Variants in RNASEH1 observed in about 807,000 individuals in gnomAD.
RNASEH1 encodes ribonuclease H type II.
Under a neutral mutation model 34.6 loss-of-function variants are expected in RNASEH1, and 27 were observed. The ratio of observed to expected loss-of-function variants is 0.78; its 90% CI spans 0.58 to 1.08. The LOEUF is 1.08. Ranked by LOEUF, RNASEH1 falls within the 50% of genes least tolerant of loss-of-function variation. RNASEH1 has a pLI of 0.00. For synonymous variants in RNASEH1, 162 were observed against 138.4 expected, an observed-to-expected ratio of 1.17 and a Z score of -1.20; for missense variants, 349 against 373.6, an observed-to-expected ratio of 0.93 and a Z score of 0.54.
chr2:3,533,048 T>A, the RNASEH1 span: 4 of 152,186 alleles, frequency 2.6e-5, no homozygotes, highest in Non-Finnish European at 4.4e-5. Flanking sequence ...CACCCGGGCC[T>A]TTTCTCCAAA....
chr2:3,549,151 G>A (rs1669045250), intron 4 of RNASEH1, 39 bp from the exon 5 acceptor site: 1 of 1,469,116 alleles, frequency 6.8e-7, no homozygotes, highest in African/African-American at 1.4e-5. Context: ...AAAGTATAAA[G>A]TGAATTCTCA....
At chr2:3,540,553 C>A (rs1668239238), downstream of RNASEH1, among the ~76,000 whole-genome samples, 1 of 152,210 alleles carries the variant, frequency 6.6e-6, no homozygotes. Flanking sequence ...GGATTACAGG[C>A]ACCTGCCACC....
chr2:3,533,647 A>G, the RNASEH1 span: 4 of 152,270 alleles, frequency 2.6e-5, no homozygotes, highest in African/African-American at 9.7e-5. Flanking sequence ...GGAAAACAGG[A>G]TGCCTGCTCC....
intron 2 of RNASEH1, among the ~76,000 whole-genome samples, chr2:3,552,724 G>A (rs534613443): frequency 1.6e-4 from 25 of 152,182 alleles, no homozygotes; most frequent in Admixed American, 4.6e-4. Flanking sequence ...GTTGCTGGGC[G>A]CAGTGGTGTG....
downstream of RNASEH1, among the ~76,000 whole-genome samples, chr2:3,538,901 T>C (rs559515823): frequency 6.6e-6 from 1 of 152,346 alleles, no homozygotes; most frequent in Non-Finnish European, 1.5e-5. Context: ...GCACTGTTGC[T>C]AATATCATAC....
intron 2 of RNASEH1, among the ~76,000 whole-genome samples, chr2:3,554,331 A>G (rs544769776): frequency 4.5e-4 from 69 of 152,348 alleles, no homozygotes; most frequent in African/African-American, 1.5e-3. Context: ...TTTACTTACT[A>G]TAACAGAGAT....
chr2:3,552,359 A>C, intron 2 of RNASEH1, 51 bp from the exon 3 acceptor site: 2 of 1,522,538 alleles, frequency 1.3e-6, no homozygotes, highest in Non-Finnish European at 1.8e-6. Flanking sequence ...CATAACACGA[A>C]ATGCTAGAGA....
downstream of RNASEH1, among the ~76,000 whole-genome samples, chr2:3,540,121 C>T (rs913773492): frequency 1.3e-5 from 2 of 152,142 alleles, no homozygotes. Context: ...GCGGCACGAA[C>T]ATCCTATTAA....
chr2:3,538,208 G>A (rs536286858), downstream of RNASEH1, among the ~76,000 whole-genome samples: 336 of 150,820 alleles, frequency 2.2e-3, 1 homozygote, highest in African/African-American at 7.9e-3. Context: ...AAAAGTAGCC[G>A]GGCGTGGTGT....
chr2:3,552,237 C>A lies in RNASEH1; in HGVS notation c.316G>T (p.Asp106Tyr), dbSNP rs1660005105. The change falls in exon 3 of 8, where the codon GAT becomes TAT. Residue 106 changes from aspartate (D) to tyrosine (Y), a missense_variant. Asp to Tyr is a radical substitution (Grantham distance 160). Transcript: ENST00000315212. ...TACGGCTCTGCGCTTTCATGTCCATCTCCATCCAGTGGCTCACGGAGTCGC... is the reference window on the plus strand; with the variant it reads ...TACGGCTCTGCGCTTTCATGTCCATATCCATCCAGTGGCTCACGGAGTCGC... ...SKRLREPLDG[D>Y]GHESAEPYAK... 6.2e-7 allele frequency: 1 copy of A among 1,613,862 alleles called. No individual in the cohort carries two copies. The highest frequency in any genetic ancestry group is 1.3e-5 in the African/African-American group (1 of 74,920).
At chr2:3,538,603 T>C (rs538423263), downstream of RNASEH1, among the ~76,000 whole-genome samples, 2 of 152,280 alleles carry the variant, frequency 1.3e-5, no homozygotes, top group African/African-American at 4.8e-5. Context: ...TTCTGGTCTG[T>C]GGGTACTTAT....
chr2:3,551,143 G>T (rs62106012), intron 3 of RNASEH1, among the ~76,000 whole-genome samples: 391 of 152,360 alleles, frequency 2.6e-3, no homozygotes, highest in Non-Finnish European at 3.8e-3. Context: ...GGTGGTACGC[G>T]CAGGAAGTGG....
downstream of RNASEH1, among the ~76,000 whole-genome samples, chr2:3,539,708 A>G (rs1668190914): frequency 6.6e-6 from 1 of 152,172 alleles, no homozygotes; most frequent in African/African-American, 2.4e-5. Context: ...CACGTTATTA[A>G]AAAAGGGGCT....
chr2:3,542,608 G>A lies in RNASEH1; in HGVS notation c.*3177C>T, dbSNP rs540588855. ...AAAAAGGAGCAATTTTTCTGACAAC[G>A]TAGACACAGTGCTGTTTTCATCATC... On this transcript the variant is annotated 3_prime_UTR_variant, in exon 8 of 8. Coordinates refer to ENST00000315212, the MANE Select transcript of RNASEH1 (RefSeq NM_002936.6). 1.6e-4 allele frequency among the ~76,000 whole-genome samples: 24 copies of A among 152,258 alleles called. No individual in the cohort carries two copies. In the South Asian group the frequency reaches 4.4e-3, roughly 28 times the overall value.
intron 2 of RNASEH1, among the ~76,000 whole-genome samples, chr2:3,552,552 C>A (rs1249063232): frequency 9.6e-6 from 1 of 104,036 alleles, no homozygotes; most frequent in Non-Finnish European, 2.0e-5. Context: ...ACCCCCTCCC[C>A]TCCACACCAC....
At chr2:3,537,281 A>C (rs1308507679), downstream of RNASEH1, among the ~76,000 whole-genome samples, 1 of 152,204 alleles carries the variant, frequency 6.6e-6, no homozygotes, top group African/African-American at 2.4e-5. Context: ...TCAGCTAAGC[A>C]TGTGTCCACC....
At chr2:3,540,675 G>A (rs374500612), downstream of RNASEH1, among the ~76,000 whole-genome samples, 37 of 152,310 alleles carry the variant, frequency 2.4e-4, no homozygotes, top group South Asian at 1.7e-3. Flanking sequence ...CCAAAGTGCT[G>A]GGACTACAGG....
At chr2:3,555,478 C>T (rs1030343483) in intron 2 of RNASEH1, among the ~76,000 whole-genome samples, 6 of 152,160 alleles carry the variant, frequency 3.9e-5, no homozygotes, top group Admixed American at 2.6e-4. Context: ...GAGTGAGGGT[C>T]GACCCTGCTT....
chr2:3,549,944 T>A (rs1669124259), intron 4 of RNASEH1, among the ~76,000 whole-genome samples: 1 of 137,152 alleles, frequency 7.3e-6, no homozygotes, highest in South Asian at 2.4e-4. Flanking sequence ...AGACTCCGTC[T>A]CAGGAAAAAA....
Sources: allele counts gnomAD v4.1 joint callset (sites outside exome capture counted in the v4.1 genomes callset), GRCh38; gene constraint gnomAD v4.1.1; transcripts MANE v1.5; gene names NCBI Gene and HGNC (gene_info 2026-07-23, HGNC 2026-07-21).